UHRF2: variants seen among roughly 807,000 people sequenced by gnomAD.
UHRF2 encodes ubiquitin like with PHD and ring finger domains 2.
Under a neutral mutation model 96.8 loss-of-function variants are expected in UHRF2, and 23 were observed. The observed-to-expected ratio is 0.24, with a 90% CI of 0.17 to 0.34. The LOEUF is 0.34. UHRF2 is among the 10% of genes least tolerant of loss of function. UHRF2 has a pLI of 1.00. For synonymous variants in UHRF2, 385 were observed against 332.6 expected, an observed-to-expected ratio of 1.16 and a Z score of -1.72; for missense variants, 685 against 981.5, an observed-to-expected ratio of 0.70 and a Z score of 4.04.
At chr9:6,503,497 G>GCT (rs1233880152) in intron 14 of UHRF2, among the ~76,000 whole-genome samples, 1 of 151,962 alleles carries the variant, frequency 6.6e-6, no homozygotes, top group Non-Finnish European at 1.5e-5. Flanking sequence ...ACATTAGGTG[G>GCT]CTCTACTTTT....
intron 3 of UHRF2, among the ~76,000 whole-genome samples, chr9:6,448,536 G>A (rs941175981): frequency 2.6e-5 from 4 of 152,172 alleles, no homozygotes; most frequent in Non-Finnish European, 5.9e-5. Flanking sequence ...GTAAAATGGG[G>A]ATAGAATAAT....
Position 6,481,772 on chromosome 9 carries a change from G to C in UHRF2, c.1284+6G>C. The C allele has an allele frequency of 5.0e-6, 8 of 1,602,378 alleles. No individual in the cohort carries two copies. Among genetic ancestry groups the C allele is most frequent in the Non-Finnish European group, 6.8e-6 (8 of 1,177,142 alleles). ...GCCGAAGAGACTGGGGCAGGGTAAA[G>C]AAGAAATTCCCCTTTTCTTCCTAAT... On this transcript the variant is annotated splice_donor_region_variant and intron_variant, in intron 7 of 15. Coordinates refer to ENST00000276893, the MANE Select transcript of UHRF2 (RefSeq NM_152896.3).
chr9:6,413,738 C>A (rs1563733927), intron 1 of UHRF2, 95 bp downstream of exon 1: 1 of 1,316,250 alleles, frequency 7.6e-7, no homozygotes, highest in East Asian at 3.2e-5. Context: ...GCGCCGCGCG[C>A]GCAGGGCTCA....
At chr9:6,434,389 C>A in intron 3 of UHRF2, 1 of 514,976 alleles carries the variant, frequency 1.9e-6, no homozygotes, top group Non-Finnish European at 3.3e-6. Flanking sequence ...TTTAGTATCA[C>A]AATACTGGCT....
chr9:6,420,849 A>C (rs1433824753), intron 1 of UHRF2, 63 bp from the exon 2 acceptor site: 7 of 1,357,056 alleles, frequency 5.2e-6, no homozygotes. Flanking sequence ...ACATTTGAGC[A>C]ACTAAAAATG....
At chr9:6,472,363 G>C (rs1013683394) in intron 4 of UHRF2, among the ~76,000 whole-genome samples, 2 of 152,194 alleles carry the variant, frequency 1.3e-5, no homozygotes, top group African/African-American at 4.8e-5. Flanking sequence ...AGAAAATAAG[G>C]AACAGTATAA....
At chr9:6,456,237 G>A (rs570457720) in intron 3 of UHRF2, among the ~76,000 whole-genome samples, 9 of 152,214 alleles carry the variant, frequency 5.9e-5, no homozygotes, top group Non-Finnish European at 8.8e-5. Context: ...TCTAACTGGC[G>A]TGATATGGTA....
chr9:6,447,765 C>G (rs762541770), intron 3 of UHRF2, among the ~76,000 whole-genome samples: 1 of 152,040 alleles, frequency 6.6e-6, no homozygotes, highest in Non-Finnish European at 1.5e-5. Flanking sequence ...TTGGAAGGCA[C>G]AACACTAATT....
intron 4 of UHRF2, among the ~76,000 whole-genome samples, chr9:6,472,348 G>C (rs1374624903): frequency 6.6e-6 from 1 of 152,222 alleles, no homozygotes; most frequent in Non-Finnish European, 1.5e-5. Context: ...AGTTAGAAGA[G>C]AGTGAGAAAA....
intron 14 of UHRF2, among the ~76,000 whole-genome samples, chr9:6,503,728 T>G (rs1287716606): frequency 6.6e-6 from 1 of 152,164 alleles, no homozygotes; most frequent in Non-Finnish European, 1.5e-5. Flanking sequence ...ATGTTCATAC[T>G]TTGGAATACT....
chr9:6,458,247 C>G (rs764683203), intron 3 of UHRF2, among the ~76,000 whole-genome samples: 8 of 152,058 alleles, frequency 5.3e-5, no homozygotes, highest in Non-Finnish European at 8.8e-5. Context: ...GTGTATGTGT[C>G]CAGGAATTTA....
intron 3 of UHRF2, among the ~76,000 whole-genome samples, chr9:6,438,463 C>G (rs1229547831): frequency 1.3e-5 from 2 of 152,198 alleles, no homozygotes; most frequent in Admixed American, 6.5e-5. Flanking sequence ...AGGTTACCAT[C>G]CCATTGCATT....
chr9:6,485,401 G>C (rs1440384257), intron 8 of UHRF2, among the ~76,000 whole-genome samples: 1 of 151,900 alleles, frequency 6.6e-6, no homozygotes, highest in East Asian at 1.9e-4. Flanking sequence ...ATGACTATGA[G>C]GTTGTTTTCC....
intron 6 of UHRF2, among the ~76,000 whole-genome samples, chr9:6,481,029 C>G (rs1261469388): frequency 6.6e-6 from 1 of 152,146 alleles, no homozygotes; most frequent in African/African-American, 2.4e-5. Flanking sequence ...TAAGAATAGC[C>G]TCCTCTCATT....
At chr9:6,471,722 CA>C (rs1479459728) in intron 4 of UHRF2, among the ~76,000 whole-genome samples, 1 of 152,168 alleles carries the variant, frequency 6.6e-6, no homozygotes, top group Non-Finnish European at 1.5e-5. Context: ...GACCCACCCC[CA>C]TATGAGTAAG....
At position 6,481,881 on chromosome 9, in the gene UHRF2, A is replaced by G. The variant is rs373886120; in HGVS notation, c.1285-111A>G. 9.8e-5 allele frequency: 151 copies of G among 1,534,538 alleles called. 1 individual carries two copies. The highest frequency in any genetic ancestry group is 2.9e-4 in the South Asian group (23 of 80,376). ...ACAGTATCATTATTTGTTAATATCA[A>G]TGGTACTTAAATTACATAAACAGTT... On this transcript the variant is annotated intron_variant, in intron 7 of 15. Coordinates refer to ENST00000276893, the MANE Select transcript of UHRF2 (RefSeq NM_152896.3).
At chr9:6,429,344 T>C (rs951362427) in intron 2 of UHRF2, among the ~76,000 whole-genome samples, 5 of 152,204 alleles carry the variant, frequency 3.3e-5, no homozygotes, top group Non-Finnish European at 7.3e-5. Flanking sequence ...GGAGGTAAAG[T>C]ATGTAATGGT....
chr9:6,487,193 T>TA (rs1563799293), intron 9 of UHRF2, among the ~76,000 whole-genome samples: 2 of 130,638 alleles, frequency 1.5e-5, no homozygotes, highest in African/African-American at 6.0e-5. Context: ...TTTTTTTTTT[T>TA]TTTTTTTTTT....
chr9:6,475,605 C>G (rs1345759845), intron 5 of UHRF2, 105 bp downstream of exon 5: 3 of 491,760 alleles, frequency 6.1e-6, no homozygotes, highest in African/African-American at 2.0e-5. Flanking sequence ...AACTGTAGAC[C>G]ATACAAATTT....
Sources: allele counts gnomAD v4.1 joint callset (sites outside exome capture counted in the v4.1 genomes callset), GRCh38; gene constraint gnomAD v4.1.1; transcripts MANE v1.5; gene names NCBI Gene and HGNC (gene_info 2026-07-23, HGNC 2026-07-21).